Variants in DNAH11 observed in about 807,000 individuals in gnomAD.
DNAH11 encodes axonemal beta dynein heavy chain 11.
In DNAH11, 442 loss-of-function variants were observed where a neutral mutation model predicts 526.0. That is an observed-to-expected ratio of 0.84 (90% CI 0.78 to 0.91). The LOEUF (loss-of-function observed/expected upper bound fraction) is 0.91. Ranked by LOEUF, DNAH11 falls within the 40% of genes least tolerant of loss-of-function variation. The pLI, the probability that DNAH11 is intolerant of heterozygous loss-of-function variation, is 0.00. For missense variants in DNAH11, 6,989 were observed against 5,448.7 expected, an observed-to-expected ratio of 1.28 and a Z score of -8.90; for synonymous variants, 2,461 against 1,935.9, an observed-to-expected ratio of 1.27 and a Z score of -7.12.
intron 30 of DNAH11, among the ~76,000 whole-genome samples, chr7:21,669,538 C>G (rs1295023239): frequency 6.6e-6 from 1 of 151,976 alleles, no homozygotes; most frequent in Non-Finnish European, 1.5e-5. Flanking sequence ...CGAAAATGGA[C>G]TACTCATTTT....
At chr7:21,543,664 T>TC (rs1341583260) in intron 1 of DNAH11, 68 bp downstream of exon 1, 28 of 1,494,662 alleles carry the variant, frequency 1.9e-5, no homozygotes, top group Non-Finnish European at 2.5e-5. Flanking sequence ...GCCCAGTCGC[T>TC]CCCCTTTGGA....
intron 65 of DNAH11, among the ~76,000 whole-genome samples, chr7:21,831,116 G>T (rs190337146): frequency 9.2e-5 from 14 of 152,258 alleles, no homozygotes; most frequent in African/African-American, 3.1e-4. Context: ...CTGGAAGATG[G>T]ATTAAGGTTA....
At chr7:21,750,463 A>C (rs1056834339) in intron 54 of DNAH11, 99 bp downstream of exon 54, 1 of 1,468,282 alleles carries the variant, frequency 6.8e-7, no homozygotes, top group Non-Finnish European at 9.2e-7. Context: ...AATTTCAGTC[A>C]TGCATTTTGA....
At chr7:21,579,881 A>G (rs1784246688) in intron 8 of DNAH11, among the ~76,000 whole-genome samples, 1 of 152,220 alleles carries the variant, frequency 6.6e-6, no homozygotes, top group African/African-American at 2.4e-5. Context: ...CCAGATGAGC[A>G]ATAATGGTGA....
intron 61 of DNAH11, among the ~76,000 whole-genome samples, chr7:21,799,242 T>C (rs1222449785): frequency 1.3e-5 from 2 of 151,844 alleles, no homozygotes; most frequent in African/African-American, 4.8e-5. Flanking sequence ...ACCCAAGGAG[T>C]CTGATACCAG....
At chr7:21,720,314 G>A (rs1444027770) in intron 43 of DNAH11, among the ~76,000 whole-genome samples, 2 of 152,148 alleles carry the variant, frequency 1.3e-5, no homozygotes, top group African/African-American at 4.8e-5. Context: ...CAGTGGTGGT[G>A]TAGAGTAACA....
At chr7:21,887,084 G>C (rs1257442830) in intron 76 of DNAH11, among the ~76,000 whole-genome samples, 1 of 152,218 alleles carries the variant, frequency 6.6e-6, no homozygotes, top group Non-Finnish European at 1.5e-5. Context: ...CTTCCCACAA[G>C]TGGTTAACAT....
chr7:21,687,603 C>G (rs1783436322), intron 34 of DNAH11, 76 bp downstream of exon 34: 7 of 1,478,706 alleles, frequency 4.7e-6, no homozygotes, highest in Non-Finnish European at 6.4e-6. Flanking sequence ...CCTTCACTGT[C>G]TATTGCTACC....
intron 37 of DNAH11, among the ~76,000 whole-genome samples, chr7:21,704,199 C>T (rs1305693141): frequency 6.6e-6 from 1 of 152,138 alleles, no homozygotes; most frequent in African/African-American, 2.4e-5. Flanking sequence ...AAGGAAAAGG[C>T]CTCTTTGCTG....
chr7:21,679,312 A>G (rs892017204), intron 30 of DNAH11, among the ~76,000 whole-genome samples: 2 of 152,244 alleles, frequency 1.3e-5, no homozygotes, highest in Non-Finnish European at 2.9e-5. Flanking sequence ...CTAGAGATCT[A>G]ATTTAACATA....
chr7:21,660,997 G>C (rs1782220491), intron 30 of DNAH11, among the ~76,000 whole-genome samples: 1 of 151,934 alleles, frequency 6.6e-6, no homozygotes, highest in Admixed American at 6.6e-5. Flanking sequence ...TACTCTGGTT[G>C]TCTAACTTCT....
rs773883026 is a variant in DNAH11, at chr7:21,842,728, C to T, written c.10876C>T (p.Pro3626Ser). ...LLAEVVSIERPDLEKLKLVLT... is the reference protein window; with the variant it reads ...LLAEVVSIERSDLEKLKLVLT... ...GGCAGAGGTTGTCAGTATTGAAAGG[C>T]CAGATTTGGAGAAACTTAAGGTAAA... The change falls in exon 66 of 82, where the codon CCA (proline) becomes TCA (serine). Residue 3626 changes from proline to serine, a missense_variant. Coordinates refer to ENST00000409508, the MANE Select transcript of DNAH11 (RefSeq NM_001277115.2). 2 of 1,610,450 alleles carry T rather than the reference C, an allele frequency of 1.2e-6. No individual in the cohort carries two copies. Among genetic ancestry groups the T allele is most frequent in the Non-Finnish European group, 8.5e-7 (1 of 1,178,472 alleles).
intron 59 of DNAH11, 126 bp downstream of exon 59, chr7:21,786,893 A>G: frequency 7.4e-7 from 1 of 1,358,822 alleles, no homozygotes; most frequent in Admixed American, 2.0e-5. Flanking sequence ...GCTGAATGTA[A>G]TCTACTGTAT....
At chr7:21,758,545 C>G (rs1660538278) in intron 54 of DNAH11, among the ~76,000 whole-genome samples, 1 of 152,040 alleles carries the variant, frequency 6.6e-6, no homozygotes, top group Admixed American at 6.5e-5. Flanking sequence ...CCACCTCATT[C>G]AATCCAATAA....
intron 20 of DNAH11, 98 bp downstream of exon 20, chr7:21,606,831 C>A: frequency 1.9e-6 from 2 of 1,068,868 alleles, no homozygotes; most frequent in Non-Finnish European, 2.7e-6. Flanking sequence ...CTTTGTTTTG[C>A]TGTTATAGGA....
intron 30 of DNAH11, among the ~76,000 whole-genome samples, chr7:21,668,101 A>G (rs1015417228): frequency 6.6e-6 from 1 of 152,194 alleles, no homozygotes; most frequent in Admixed American, 6.6e-5. Context: ...GATAAAATAC[A>G]AAAGAAAATT....
chr7:21,578,708 G>T (rs1057117004), intron 8 of DNAH11, among the ~76,000 whole-genome samples: 2 of 152,148 alleles, frequency 1.3e-5, no homozygotes, highest in African/African-American at 4.8e-5. Context: ...AGACATCCAG[G>T]TGTTTCCATA....
chr7:21,711,940 C>T, intron 42 of DNAH11, 80 bp downstream of exon 42: 2 of 1,501,592 alleles, frequency 1.3e-6, no homozygotes, highest in African/African-American at 1.4e-5. Flanking sequence ...TGCTTAAGCA[C>T]ATTCATGTTG....
At chr7:21,899,496 TA>T (rs1784665740) in intron 80 of DNAH11, 48 bp downstream of exon 80, 2 of 1,430,370 alleles carry the variant, frequency 1.4e-6, no homozygotes, top group East Asian at 4.6e-5. Flanking sequence ...GACCACAGCC[TA>T]ACCAGAAGCC....
Sources: allele counts gnomAD v4.1 joint callset (sites outside exome capture counted in the v4.1 genomes callset), GRCh38; gene constraint gnomAD v4.1.1; transcripts MANE v1.5; gene names NCBI Gene and HGNC (gene_info 2026-07-23, HGNC 2026-07-21).